CAMTA1: variants seen among roughly 807,000 people sequenced by gnomAD.
CAMTA1 encodes calmodulin-binding transcription activator 1.
CAMTA1 carries 27 observed loss-of-function variants against 170.9 expected under a neutral mutation model. The observed-to-expected ratio is 0.16, with a 90% CI of 0.12 to 0.22. CAMTA1 has a LOEUF of 0.22. Among genes scored for constraint, CAMTA1 ranks in the 10% least tolerant of loss-of-function variants. The pLI, the probability that CAMTA1 is intolerant of heterozygous loss-of-function variation, is 1.00. For missense variants in CAMTA1, 1,619 were observed against 2,217.2 expected (o/e 0.73, Z 5.42); for synonymous variants, 833 against 891.5 (o/e 0.93, Z 1.17).
At chr1:7,039,133 A>G (rs1046944558) in intron 3 of CAMTA1, among the ~76,000 whole-genome samples, 1 of 152,264 alleles carries the variant, frequency 6.6e-6, no homozygotes, top group Non-Finnish European at 1.5e-5. Flanking sequence ...ATTTGCTGGA[A>G]CAGGGTTACT....
intron 5 of CAMTA1, among the ~76,000 whole-genome samples, chr1:7,365,232 G>C (rs201165508): frequency 6.6e-6 from 1 of 152,220 alleles, no homozygotes; most frequent in East Asian, 1.9e-4. Flanking sequence ...TGGTGGCTGC[G>C]CTGTGGATGG....
chr1:7,725,794 C>CT (rs1467759561), intron 11 of CAMTA1, among the ~76,000 whole-genome samples: 1 of 152,256 alleles, frequency 6.6e-6, no homozygotes, highest in Non-Finnish European at 1.5e-5. Flanking sequence ...AGCAGTCTGT[C>CT]TTAAGAAGCC....
chr1:7,424,480 G>T (rs2091768212), intron 5 of CAMTA1, among the ~76,000 whole-genome samples: 1 of 151,920 alleles, frequency 6.6e-6, no homozygotes, highest in South Asian at 2.1e-4. Context: ...GACAGCTAGG[G>T]ATTTGCCTGC....
At chr1:7,139,491 A>G (rs1206142947) in intron 4 of CAMTA1, among the ~76,000 whole-genome samples, 1 of 151,628 alleles carries the variant, frequency 6.6e-6, no homozygotes, top group Non-Finnish European at 1.5e-5. Context: ...TTCCAGGGGC[A>G]TGTTTGCTTA....
intron 3 of CAMTA1, among the ~76,000 whole-genome samples, chr1:7,077,782 C>T (rs1015463898): frequency 6.6e-6 from 1 of 152,052 alleles, no homozygotes; most frequent in Non-Finnish European, 1.5e-5. Flanking sequence ...GCTGGAAGGG[C>T]CTGGAGCGAG....
At chr1:7,675,957 C>T (rs979143950) in intron 10 of CAMTA1, among the ~76,000 whole-genome samples, 34 of 152,222 alleles carry the variant, frequency 2.2e-4, no homozygotes, top group African/African-American at 8.0e-4. Flanking sequence ...AGGTTGTGCA[C>T]TTGCCAGAAG....
chr1:6,825,308 A>G, intron 3 of CAMTA1, 98 bp downstream of exon 3: 1 of 627,772 alleles, frequency 1.6e-6, no homozygotes, highest in Non-Finnish European at 2.9e-6. Flanking sequence ...TAAATTTAAA[A>G]TACTGATCTA....
intron 6 of CAMTA1, among the ~76,000 whole-genome samples, chr1:7,587,874 G>T (rs2095324229): frequency 6.6e-6 from 1 of 152,076 alleles, no homozygotes; most frequent in South Asian, 2.1e-4. Context: ...GAGAGGTCAG[G>T]CTCAGAGATG....
chr1:7,222,995 C>G (rs1661069072), intron 4 of CAMTA1, among the ~76,000 whole-genome samples: 1 of 152,286 alleles, frequency 6.6e-6, no homozygotes, highest in South Asian at 2.1e-4. Flanking sequence ...GCCAAGTCTT[C>G]ACTGTCCTTA....
rs948742750 is a variant in CAMTA1, at chr1:7,286,346, G to T, written c.438+36720G>T. Reference sequence around the variant, plus strand: ...CCCCAGCAACGATTCTTGATTTGAGGTCTATGGGTGGTCCTGGAAGATCGT... The same window carrying T: ...CCCCAGCAACGATTCTTGATTTGAGTTCTATGGGTGGTCCTGGAAGATCGT... On this transcript the variant is annotated intron_variant, in intron 5 of 22. Coordinates refer to ENST00000303635, the MANE Select transcript of CAMTA1 (RefSeq NM_015215.4). The surrounding 1 kb of genome is among the most constrained non-coding windows in gnomAD (Gnocchi z 4.2). 2.0e-5 allele frequency among the ~76,000 whole-genome samples: 3 copies of T among 152,200 alleles called. No individual in the cohort carries two copies. The highest frequency in any genetic ancestry group is 7.2e-5 in the African/African-American group (3 of 41,444).
At chr1:7,055,091 G>A (rs991567000) in intron 3 of CAMTA1, among the ~76,000 whole-genome samples, 7 of 152,072 alleles carry the variant, frequency 4.6e-5, no homozygotes, top group African/African-American at 1.4e-4. Flanking sequence ...ACCCATTCAC[G>A]AGAACCCTAC....
chr1:7,660,292 C>T (rs1434575201), intron 7 of CAMTA1, among the ~76,000 whole-genome samples: 1 of 152,228 alleles, frequency 6.6e-6, no homozygotes, highest in Non-Finnish European at 1.5e-5. Context: ...GTCTCAAACT[C>T]CTGACCTCAG....
intron 5 of CAMTA1, among the ~76,000 whole-genome samples, chr1:7,295,485 A>AG (rs1232859220): frequency 6.6e-6 from 1 of 152,176 alleles, no homozygotes; most frequent in Non-Finnish European, 1.5e-5. Flanking sequence ...GCACCTGGTA[A>AG]GGGTTTGAGT....
chr1:7,431,962 C>T lies in CAMTA1; in HGVS notation c.439-35868C>T, dbSNP rs11120926. On this transcript the variant is annotated intron_variant, in intron 5 of 22. Coordinates refer to ENST00000303635, the MANE Select transcript of CAMTA1 (RefSeq NM_015215.4). ...CAGACTCTAGGACCCCCGAAGGCAG[C>T]GACTGTAATGCTGGTGCCAGGGGAA... is the stretch of plus-strand genomic sequence containing the variant. Among the ~76,000 whole-genome samples, 1,158 of 152,310 alleles carry T rather than the reference C, an allele frequency of 7.6e-3. 19 individuals are homozygous for T. The highest frequency in any genetic ancestry group is 0.027 in the African/African-American group (1,114 of 41,554).
chr1:7,326,090 CTCAAGTGA>C (rs754616147), intron 5 of CAMTA1, among the ~76,000 whole-genome samples: 86 of 152,194 alleles, frequency 5.7e-4, no homozygotes, highest in Admixed American at 1.6e-3. Context: ...AACTCATGAG[CTCAAGTGA>C]TCCGCCTGCC....
At chr1:7,103,525 AAC>A (rs1262109852) in intron 4 of CAMTA1, among the ~76,000 whole-genome samples, 75 of 146,546 alleles carry the variant, frequency 5.1e-4, no homozygotes, top group African/African-American at 1.3e-3. Flanking sequence ...ACGTACACAC[AAC>A]ACACAACTAC....
At chr1:7,655,187 AAC>A (rs1328900700) in intron 7 of CAMTA1, among the ~76,000 whole-genome samples, 2 of 89,128 alleles carry the variant, frequency 2.2e-5, no homozygotes, top group Non-Finnish European at 4.6e-5. Flanking sequence ...CCTATACACA[AAC>A]ACACACCCCT....
In CAMTA1 at chr1:7,000,983, T is replaced by C. The variant is rs150974154; in HGVS notation, c.235-90321T>C. Reference sequence around the variant, plus strand: ...TTAAGAAACCCAGTTCCCACACCGATAGGAAAAACCCTACCCTTTCTTTCA... The same window carrying C: ...TTAAGAAACCCAGTTCCCACACCGACAGGAAAAACCCTACCCTTTCTTTCA... On this transcript the variant is annotated intron_variant, in intron 3 of 22. Transcript: ENST00000303635. Among the ~76,000 whole-genome samples, 323 of 152,308 alleles carry C rather than the reference T, an allele frequency of 2.1e-3. 2 individuals are homozygous for C. Among genetic ancestry groups the C allele is most frequent in the African/African-American group, 7.3e-3 (302 of 41,578 alleles).
At chr1:7,754,846 A>G (rs149610972) in intron 21 of CAMTA1, among the ~76,000 whole-genome samples, 81 of 152,300 alleles carry the variant, frequency 5.3e-4, no homozygotes, top group African/African-American at 1.9e-3. Flanking sequence ...TCCCATTTCT[A>G]TATATTCAAT....
Sources: gnomAD v4.1 joint callset for allele counts (sites outside exome capture counted in the v4.1 genomes callset) on GRCh38, gnomAD v4.1.1 for gene constraint, Gnocchi (gnomAD v3.1) non-coding constraint, MANE v1.5 for transcripts, NCBI Gene and HGNC (gene_info 2026-07-23, HGNC 2026-07-21) for gene names.